PARD3B: variants seen among roughly 807,000 people sequenced by gnomAD.
PARD3B encodes partitioning defective 3 homolog B.
A neutral mutation model predicts 130.2 loss-of-function variants in PARD3B; 103 were observed. The ratio of observed to expected loss-of-function variants is 0.79; its 90% confidence interval spans 0.67 to 0.93. PARD3B has a LOEUF of 0.93. Ranked by LOEUF, PARD3B falls within the 40% of genes least tolerant of loss-of-function variation. The probability of loss-of-function intolerance (pLI) is 0.00; values close to 1 mark genes in which losing one functional copy is unlikely to be tolerated. For synonymous variants in PARD3B, 583 were observed against 553.2 expected (o/e 1.05, Z -0.76); for missense variants, 1,609 against 1,499.2 (o/e 1.07, Z -1.21).
At chr2:205,587,379 C>A (rs1456121751) in intron 22 of PARD3B, among the ~76,000 whole-genome samples, 2 of 152,176 alleles carry the variant, frequency 1.3e-5, no homozygotes, top group African/African-American at 2.4e-5. Context: ...TTAATGACCA[C>A]AATCAGCAGT....
intron 15 of PARD3B, among the ~76,000 whole-genome samples, chr2:205,205,950 G>C (rs553308272): frequency 2.0e-4 from 31 of 152,134 alleles, no homozygotes; most frequent in Non-Finnish European, 3.7e-4. Flanking sequence ...TCAGGATGAT[G>C]CTGGCCTCAT....
intron 20 of PARD3B, among the ~76,000 whole-genome samples, chr2:205,467,252 G>C (rs916247714): frequency 1.3e-5 from 2 of 152,156 alleles, no homozygotes; most frequent in Non-Finnish European, 1.5e-5. Context: ...TGTTTCCGTG[G>C]GGCTTGGTTT....
intron 4 of PARD3B, among the ~76,000 whole-genome samples, chr2:205,071,646 CAA>C (rs1237860620): frequency 6.6e-6 from 1 of 152,002 alleles, no homozygotes; most frequent in Non-Finnish European, 1.5e-5. Flanking sequence ...GTACAGACAA[CAA>C]AAGATGTACC....
At chr2:204,891,330 T>C (rs2046437782) in intron 2 of PARD3B, among the ~76,000 whole-genome samples, 1 of 152,108 alleles carries the variant, frequency 6.6e-6, no homozygotes, top group South Asian at 2.1e-4. Flanking sequence ...ATGGAGATGA[T>C]ATGAACACAG....
chr2:205,374,943 C>A (rs1054045409), intron 18 of PARD3B, among the ~76,000 whole-genome samples: 1 of 152,066 alleles, frequency 6.6e-6, no homozygotes, highest in Admixed American at 6.6e-5. Context: ...AGGTTAGTTT[C>A]ATAATCAAAT....
At chr2:205,416,580 G>T (rs1311797569) in intron 19 of PARD3B, among the ~76,000 whole-genome samples, 2 of 152,118 alleles carry the variant, frequency 1.3e-5, no homozygotes, top group Non-Finnish European at 2.9e-5. Context: ...GCCTGCAGGT[G>T]AGCAGCATGC....
intron 15 of PARD3B, among the ~76,000 whole-genome samples, chr2:205,194,693 TAA>T (rs1491185187): frequency 6.6e-6 from 1 of 151,960 alleles, no homozygotes; most frequent in African/African-American, 2.4e-5. Context: ...CATTTTAAAT[TAA>T]GAGAGAAAAA....
At chr2:205,406,275 C>G (rs1276272335) in intron 19 of PARD3B, among the ~76,000 whole-genome samples, 1 of 152,048 alleles carries the variant, frequency 6.6e-6, no homozygotes, top group Non-Finnish European at 1.5e-5. Flanking sequence ...AAATTATTTG[C>G]TTTAATATTT....
Position 205,301,291 on chromosome 2 carries a change from G to A in PARD3B, c.2393-173G>A, listed in dbSNP as rs753529624. Among the ~76,000 whole-genome samples, 5 of 152,176 alleles carry A rather than the reference G, an allele frequency of 3.3e-5. No homozygotes were observed. The highest frequency in any genetic ancestry group is 2.1e-4 in the South Asian group (1 of 4,826). On this transcript the variant is annotated intron_variant, in intron 17 of 22. Coordinates refer to ENST00000406610, the MANE Select transcript of PARD3B (RefSeq NM_001302769.2). This position sits in a 1 kb window ranked among gnomAD's most constrained non-coding sequence, Gnocchi z 5.2. ...CCACTCCCAGCATCAAGTCTTGCTCGAAGTAACCAGATTTAGGCAGTCAGA... is the reference window on the plus strand; with the variant it reads ...CCACTCCCAGCATCAAGTCTTGCTCAAAGTAACCAGATTTAGGCAGTCAGA...
chr2:205,301,679 A>G lies in PARD3B; in HGVS notation c.2608A>G (p.Lys870Glu), dbSNP rs2042005038. 6.2e-7 allele frequency: 1 copy of G among 1,613,910 alleles called. No homozygotes were observed. Among genetic ancestry groups the G allele is most frequent in the Non-Finnish European group, 8.5e-7 (1 of 1,179,940 alleles). The part of the protein sequence containing the change: ...NEDPERKIKK[K>E]GFGAMLRFGK... The stretch of plus-strand genomic sequence containing the variant: ...AGATCCAGAAAGGAAAATAAAGAAG[A>G]AGGGCTTCGGCGCCATGCTGAGGTA... The change falls in exon 18 of 23, where the codon AAG (lysine) becomes GAG (glutamate). Residue 870 changes from lysine to glutamate, a missense_variant. Lys to Glu is a moderately conservative substitution (Grantham distance 56). Transcript: ENST00000406610. The surrounding 1 kb of genome is among the most constrained non-coding windows in gnomAD (Gnocchi z 5.2).
At chr2:204,603,946 C>T (rs2033612326) in intron 1 of PARD3B, among the ~76,000 whole-genome samples, 1 of 152,066 alleles carries the variant, frequency 6.6e-6, no homozygotes, top group Admixed American at 6.6e-5. Context: ...TTTCTAAATC[C>T]TTGGGTAATT....
At chr2:205,271,484 C>T (rs2040721970) in intron 16 of PARD3B, among the ~76,000 whole-genome samples, 1 of 152,088 alleles carries the variant, frequency 6.6e-6, no homozygotes, top group Non-Finnish European at 1.5e-5. Context: ...CATACATATA[C>T]ACACACACAG....
At chr2:205,430,546 T>C (rs1345001278) in intron 19 of PARD3B, among the ~76,000 whole-genome samples, 3 of 152,230 alleles carry the variant, frequency 2.0e-5, no homozygotes, top group Non-Finnish European at 4.4e-5. Context: ...AGCTCGGATA[T>C]GGAAGATTTC....
chr2:205,506,472 G>A (rs949668470), intron 21 of PARD3B, among the ~76,000 whole-genome samples: 2 of 152,228 alleles, frequency 1.3e-5, no homozygotes, highest in Admixed American at 1.3e-4. Context: ...CTGTTGTGAA[G>A]ATGGTCTAGA....
chr2:205,541,310 T>G lies in PARD3B; in HGVS notation c.3181-12014T>G, dbSNP rs1575305702. On this transcript the variant is annotated intron_variant, in intron 21 of 22. Coordinates refer to ENST00000406610, the MANE Select transcript of PARD3B (RefSeq NM_001302769.2). ...TCTACACCCCTTTTTCCAGGCTCCCTTCTCTGTTTGAGAGTTTTAATGCTC... is the reference window on the plus strand; with the variant it reads ...TCTACACCCCTTTTTCCAGGCTCCCGTCTCTGTTTGAGAGTTTTAATGCTC... 6.6e-5 allele frequency among the ~76,000 whole-genome samples: 10 copies of G among 151,760 alleles called. No individual in the cohort carries two copies. In the South Asian group the frequency reaches 2.1e-3, roughly 32 times the overall value.
chr2:205,499,121 A>G lies in PARD3B; in HGVS notation c.3045-775A>G, dbSNP rs969495736. On this transcript the variant is annotated intron_variant, in intron 20 of 22. Transcript: ENST00000406610. ...CTTTTGCTCCCTAGCCCTGTATAAT[A>G]TCATGTGATACTGGTTCCACTAAAA... Among the ~76,000 whole-genome samples the G allele has an allele frequency of 4.6e-5, 7 of 152,254 alleles. No individual in the cohort carries two copies. The East Asian group carries it at 1.4e-3, about 29-fold the overall frequency.
chr2:205,109,958 A>G (rs143578524), intron 5 of PARD3B, among the ~76,000 whole-genome samples: 4 of 152,128 alleles, frequency 2.6e-5, no homozygotes, highest in African/African-American at 9.6e-5. Flanking sequence ...CTGGCCAGGA[A>G]TTACCTAATC....
Position 205,279,434 on chromosome 2 carries a change from T to C in PARD3B, c.2186-21096T>C, listed in dbSNP as rs888869817. On this transcript the variant is annotated intron_variant, in intron 16 of 22. Coordinates refer to ENST00000406610, the MANE Select transcript of PARD3B (RefSeq NM_001302769.2). ...CATCCATGATTCATTTTCCTCATTATATTTTTACCTATTTTCAGCTTTTTG... is the reference window on the plus strand; with the variant it reads ...CATCCATGATTCATTTTCCTCATTACATTTTTACCTATTTTCAGCTTTTTG... 2.6e-5 allele frequency among the ~76,000 whole-genome samples: 4 copies of C among 152,228 alleles called. No homozygotes were observed. In the East Asian group the frequency reaches 5.8e-4, roughly 22 times the overall value.
chr2:205,469,252 G>T (rs979154396), intron 20 of PARD3B, among the ~76,000 whole-genome samples: 1 of 152,088 alleles, frequency 6.6e-6, no homozygotes, highest in Non-Finnish European at 1.5e-5. Flanking sequence ...TGACTTCAAG[G>T]TGACACGAGC....
Sources: gnomAD v4.1 joint callset for allele counts (sites outside exome capture counted in the v4.1 genomes callset) on GRCh38, gnomAD v4.1.1 for gene constraint, Gnocchi (gnomAD v3.1) non-coding constraint, MANE v1.5 for transcripts, NCBI Gene and HGNC (gene_info 2026-07-23, HGNC 2026-07-21) for gene names.